LINGO2: variants seen among roughly 807,000 people sequenced by gnomAD.
LINGO2 encodes leucine-rich repeat and immunoglobulin-like domain-containing nogo receptor-interacting protein 2.
In LINGO2, 14 loss-of-function variants were observed where a neutral mutation model predicts 30.6. The ratio of observed to expected loss-of-function variants is 0.46; its 90% CI spans 0.30 to 0.72. The LOEUF is 0.72. LINGO2 is among the 30% of genes least tolerant of loss of function. The probability of loss-of-function intolerance (pLI) is 0.07; values close to 1 mark genes in which losing one functional copy is unlikely to be tolerated. For missense variants in LINGO2, 729 were observed against 751.7 expected (o/e 0.97, Z 0.35); for synonymous variants, 317 against 288.5 (o/e 1.10, Z -1.00).
the LINGO2 span, among the ~76,000 whole-genome samples, chr9:29,204,475 G>A: frequency 6.6e-6 from 1 of 151,876 alleles, no homozygotes; most frequent in African/African-American, 2.4e-5. Context: ...TGTGACCCAG[G>A]GCCTACCTAC....
chr9:29,010,208 G>C, the LINGO2 span, among the ~76,000 whole-genome samples: 1 of 152,134 alleles, frequency 6.6e-6, no homozygotes. Flanking sequence ...AAGAGCTTCT[G>C]CACAGCAAAA....
the LINGO2 span, among the ~76,000 whole-genome samples, chr9:29,011,834 A>G: frequency 6.6e-6 from 1 of 152,182 alleles, no homozygotes; most frequent in Non-Finnish European, 1.5e-5. Context: ...ATATAAAAAC[A>G]TTAGTCATCA....
chr9:28,163,718 CT>C (rs1196689171), intron 4 of LINGO2, among the ~76,000 whole-genome samples: 2 of 152,056 alleles, frequency 1.3e-5, no homozygotes. Context: ...GTTACTTTTT[CT>C]TTTTTGCAGA....
the LINGO2 span, among the ~76,000 whole-genome samples, chr9:28,980,308 T>C: frequency 1.3e-5 from 2 of 152,114 alleles, no homozygotes; most frequent in Admixed American, 1.3e-4. Flanking sequence ...TCCATCTTTA[T>C]GTCTCTATAA....
chr9:27,938,182 G>A, the LINGO2 span: 1 of 152,158 alleles, frequency 6.6e-6, no homozygotes, highest in Admixed American at 6.6e-5. Flanking sequence ...CTGAGAAAGA[G>A]GTGTCGTTAC....
At position 28,192,293 on chromosome 9, in the gene LINGO2, T is replaced by C. The variant is rs577890615; in HGVS notation, c.-87+102915A>G. Among the ~76,000 whole-genome samples the C allele has an allele frequency of 2.8e-4, 42 of 152,138 alleles. No homozygotes were observed. The East Asian group carries it at 7.1e-3, about 26-fold the overall frequency. On this transcript the variant is annotated intron_variant, in intron 4 of 5. Transcript: ENST00000379992. ...TTTATATACATATGTATAAACAGAG[T>C]AAATATTTTAGTGGCTTTTCATATT...
intron 2 of LINGO2, among the ~76,000 whole-genome samples, chr9:28,414,174 A>C (rs1333622459): frequency 4.6e-5 from 7 of 151,980 alleles, no homozygotes; most frequent in Non-Finnish European, 1.0e-4. Context: ...AAAAAATAAT[A>C]AGACTTTCAG....
At chr9:28,068,840 A>G (rs1825390538) in intron 4 of LINGO2, among the ~76,000 whole-genome samples, 2 of 152,168 alleles carry the variant, frequency 1.3e-5, no homozygotes, top group Admixed American at 6.6e-5. Context: ...TGAAGGATAC[A>G]AATCTATTCA....
chr9:28,319,936 TTAAAG>T (rs753773834), intron 3 of LINGO2, among the ~76,000 whole-genome samples: 79 of 152,272 alleles, frequency 5.2e-4, no homozygotes, highest in African/African-American at 1.8e-3. Flanking sequence ...ACCATGAATC[TTAAAG>T]TACTAGAATT....
At chr9:28,583,405 T>A (rs866485381) in intron 1 of LINGO2, among the ~76,000 whole-genome samples, 6 of 151,986 alleles carry the variant, frequency 3.9e-5, no homozygotes, top group African/African-American at 1.2e-4. Flanking sequence ...AAATGTCTCA[T>A]CTTTTTCATA....
the LINGO2 span, among the ~76,000 whole-genome samples, chr9:29,092,662 C>CT: frequency 8.1e-5 from 8 of 99,274 alleles, 2 homozygotes; most frequent in Non-Finnish European, 1.1e-4. Context: ...ATGTTTGTGA[C>CT]TCTAGAATTT....
chr9:29,148,570 T>A, the LINGO2 span, among the ~76,000 whole-genome samples: 5 of 152,190 alleles, frequency 3.3e-5, no homozygotes, highest in African/African-American at 1.2e-4. Flanking sequence ...GCAATCATTT[T>A]ACAGCAAATA....
intron 1 of LINGO2, among the ~76,000 whole-genome samples, chr9:28,662,496 G>A (rs761380230): frequency 6.6e-6 from 1 of 152,118 alleles, no homozygotes; most frequent in Non-Finnish European, 1.5e-5. Flanking sequence ...GTGAGAGGGC[G>A]ATTTTTTATT....
intron 5 of LINGO2, among the ~76,000 whole-genome samples, chr9:27,985,079 G>A (rs540341077): frequency 6.6e-6 from 1 of 151,936 alleles, no homozygotes; most frequent in African/African-American, 2.4e-5. Flanking sequence ...GTTTAGGTGT[G>A]ATATAAATAC....
chr9:28,836,603 A>T, the LINGO2 span, among the ~76,000 whole-genome samples: 5 of 152,152 alleles, frequency 3.3e-5, no homozygotes, highest in African/African-American at 4.8e-5. Context: ...GGCATGAGCC[A>T]CCACGCCTGG....
intron 4 of LINGO2, among the ~76,000 whole-genome samples, chr9:28,190,002 T>G (rs192086215): frequency 2.2e-4 from 34 of 152,242 alleles, no homozygotes; most frequent in Non-Finnish European, 2.9e-5. Flanking sequence ...CAGGTTGCCA[T>G]TAACTGAGGC....
chr9:28,985,708 G>T, the LINGO2 span, among the ~76,000 whole-genome samples: 2 of 151,924 alleles, frequency 1.3e-5, no homozygotes, highest in Non-Finnish European at 2.9e-5. Context: ...TGTTCTTGTT[G>T]TTGTGTTATT....
intron 2 of LINGO2, among the ~76,000 whole-genome samples, chr9:28,420,947 C>G (rs1823169295): frequency 6.6e-6 from 1 of 151,944 alleles, no homozygotes; most frequent in South Asian, 2.1e-4. Flanking sequence ...ACTAAAAATA[C>G]TAACCAAATT....
At chr9:28,986,577 C>A in the LINGO2 span, among the ~76,000 whole-genome samples, 1 of 151,944 alleles carries the variant, frequency 6.6e-6, no homozygotes, top group African/African-American at 2.4e-5. Flanking sequence ...TTTCAATATA[C>A]AAGTCCTTTA....
Sources: allele counts gnomAD v4.1 joint callset (sites outside exome capture counted in the v4.1 genomes callset), GRCh38; gene constraint gnomAD v4.1.1; transcripts MANE v1.5; gene names NCBI Gene and HGNC (gene_info 2026-07-23, HGNC 2026-07-21).